Variants in C10orf143 observed in about 807,000 individuals in gnomAD.
C10orf143 encodes the protein chromosome 10 open reading frame 143.
chr10:130,058,296 C>T (rs545195979), intron 3 of C10orf143, among the ~76,000 whole-genome samples: 20 of 152,152 alleles, frequency 1.3e-4, no homozygotes, highest in Non-Finnish European at 2.6e-4. Flanking sequence ...CCAGGTCTGA[C>T]CCCAGCATCT....
Position 130,064,020 on chromosome 10 carries a change from C to T in C10orf143, c.*334G>A, listed in dbSNP as rs568867181. 1.2e-3 allele frequency: 261 copies of T among 223,130 alleles called. No homozygotes were observed. The highest frequency in any genetic ancestry group is 2.0e-3 in the Non-Finnish European group (227 of 114,836). 13.8% of individuals were successfully genotyped at this position (223,130 alleles called of 1,614,324 possible). A position where few individuals can be genotyped will look rare whatever the true frequency, so the allele number is the denominator to read the frequency against. On this transcript the variant is annotated 3_prime_UTR_variant, in exon 4 of 4. Transcript: ENST00000637128. ...GGTGGGCCTCCATAGGCCATGAGTG[C>T]CCAAGCTCATAGGAAGTTTGATACA...
intron 3 of C10orf143, among the ~76,000 whole-genome samples, chr10:130,048,013 AT>A (rs1258542932): frequency 1.3e-5 from 2 of 151,936 alleles, no homozygotes; most frequent in Non-Finnish European, 2.9e-5. Context: ...CCTCAATACT[AT>A]TTGCAATTTG....
chr10:130,048,345 A>C (rs1034465431), intron 3 of C10orf143, among the ~76,000 whole-genome samples: 1 of 152,046 alleles, frequency 6.6e-6, no homozygotes, highest in African/African-American at 2.4e-5. Context: ...TGCCCCTCCT[A>C]CTGGCCAGGT....
intron 1 of C10orf143, chr10:130,108,488 C>T (rs771828132): frequency 1.1e-5 from 8 of 737,746 alleles, no homozygotes; most frequent in Non-Finnish European, 2.0e-5. Flanking sequence ...GTAATTCTGA[C>T]TGATCTCATT....
chr10:130,045,224 C>A (rs774759147), intron 3 of C10orf143, among the ~76,000 whole-genome samples: 35 of 152,374 alleles, frequency 2.3e-4, no homozygotes, highest in Non-Finnish European at 2.6e-4. Flanking sequence ...CTTTTTCTTG[C>A]AGGGCAGGCA....
intron 1 of C10orf143, among the ~76,000 whole-genome samples, chr10:130,081,456 T>C (rs888445018): frequency 6.6e-6 from 1 of 152,112 alleles, no homozygotes; most frequent in Admixed American, 6.5e-5. Context: ...TTAAACAACA[T>C]AATCAACCAA....
At chr10:130,040,528 CCAGA>C (rs1860594260) in intron 3 of C10orf143, among the ~76,000 whole-genome samples, 1 of 152,236 alleles carries the variant, frequency 6.6e-6, no homozygotes, top group South Asian at 2.1e-4. Context: ...CCTGCAGCCT[CCAGA>C]CAGTGAAGCG....
intron 1 of C10orf143, among the ~76,000 whole-genome samples, chr10:130,082,567 C>G (rs2134773550): frequency 6.6e-6 from 1 of 152,272 alleles, no homozygotes; most frequent in South Asian, 2.1e-4. Flanking sequence ...AAGGGGCTTC[C>G]CTTTTGCTTG....
At chr10:130,110,578 C>G (rs1436539069) in intron 1 of C10orf143, 126 bp downstream of exon 1, 1 of 397,188 alleles carries the variant, frequency 2.5e-6, no homozygotes, top group Non-Finnish European at 4.4e-6. Flanking sequence ...CGTACGCGAG[C>G]GTGCGAGTGT....
intron 1 of C10orf143, chr10:130,107,627 G>C (rs747200414): frequency 1.3e-5 from 17 of 1,337,498 alleles, no homozygotes; most frequent in East Asian, 2.3e-5. Flanking sequence ...GCCTTCATCT[G>C]AAACGAGAGC....
intron 3 of C10orf143, among the ~76,000 whole-genome samples, chr10:130,077,679 G>A (rs1861141196): frequency 6.6e-6 from 1 of 152,204 alleles, no homozygotes; most frequent in Non-Finnish European, 1.5e-5. Flanking sequence ...GACTCCCAGG[G>A]ATCTTGCATC....
intron 3 of C10orf143, among the ~76,000 whole-genome samples, chr10:130,050,648 A>G (rs1030501013): frequency 6.6e-6 from 1 of 152,220 alleles, no homozygotes; most frequent in African/African-American, 2.4e-5. Context: ...ACATCTATAC[A>G]TGCCGTTTCT....
intron 3 of C10orf143, among the ~76,000 whole-genome samples, chr10:130,072,630 G>T (rs930203076): frequency 6.6e-6 from 1 of 151,622 alleles, no homozygotes; most frequent in Non-Finnish European, 1.5e-5. Flanking sequence ...TCTTACTATG[G>T]CTCTATTTCT....
At chr10:130,047,061 A>T (rs944121981) in intron 3 of C10orf143, among the ~76,000 whole-genome samples, 2 of 152,262 alleles carry the variant, frequency 1.3e-5, no homozygotes, top group African/African-American at 4.8e-5. Context: ...TCTCGCATCC[A>T]CAGTGGTCAG....
intron 3 of C10orf143, among the ~76,000 whole-genome samples, chr10:130,049,948 C>T (rs950992509): frequency 3.9e-5 from 6 of 152,206 alleles, no homozygotes; most frequent in East Asian, 1.9e-4. Flanking sequence ...GAAAATACAC[C>T]GATGGCTGTA....
In C10orf143 at chr10:130,095,080, T is replaced by C. The variant is rs550788685; in HGVS notation, c.70-15179A>G. On this transcript the variant is annotated intron_variant, in intron 1 of 3. Transcript: ENST00000637128. ...ACTCAAAAACATTCCTATACACCAATAATAGACAAACAGAGGGCCAAATCA... is the reference window on the plus strand; with the variant it reads ...ACTCAAAAACATTCCTATACACCAACAATAGACAAACAGAGGGCCAAATCA... 2.0e-5 allele frequency among the ~76,000 whole-genome samples: 3 copies of C among 152,124 alleles called. No individual in the cohort carries two copies. In the East Asian group the frequency reaches 5.8e-4, roughly 29 times the overall value.
intron 3 of C10orf143, among the ~76,000 whole-genome samples, chr10:130,049,424 G>A (rs752887216): frequency 2.0e-5 from 3 of 152,194 alleles, no homozygotes; most frequent in South Asian, 4.1e-4. Context: ...AACATGCCCC[G>A]GGTGCCATCC....
intron 1 of C10orf143, among the ~76,000 whole-genome samples, chr10:130,083,072 T>G (rs1861234096): frequency 6.6e-6 from 1 of 152,060 alleles, no homozygotes; most frequent in South Asian, 2.1e-4. Flanking sequence ...TAAGAAACTG[T>G]TACAAAAGCT....
At chr10:130,108,988 G>A (rs1026938055) in intron 1 of C10orf143, among the ~76,000 whole-genome samples, 1 of 152,156 alleles carries the variant, frequency 6.6e-6, no homozygotes, top group African/African-American at 2.4e-5. Context: ...CAGCAGTACT[G>A]CCCTCGCAGG....
Sources: allele counts gnomAD v4.1 joint callset (sites outside exome capture counted in the v4.1 genomes callset), GRCh38; gene constraint gnomAD v4.1.1; transcripts MANE v1.5; gene names NCBI Gene and HGNC (gene_info 2026-07-23, HGNC 2026-07-21).